CNGA3: variants seen among roughly 807,000 people sequenced by gnomAD.
CNGA3 encodes cyclic nucleotide gated channel subunit alpha 3, also known as cyclic nucleotide-gated channel alpha-3.
CNGA3 carries 42 observed loss-of-function variants against 46.6 expected under a neutral mutation model. The observed-to-expected ratio is 0.90, with a 90% confidence interval of 0.70 to 1.17. CNGA3 has a LOEUF of 1.17. CNGA3 is among the 50% of genes most tolerant of loss of function. The probability of loss-of-function intolerance (pLI) is 0.00; values close to 1 mark genes in which losing one functional copy is unlikely to be tolerated. For missense variants in CNGA3, 893 were observed against 890.7 expected (o/e 1.00, Z -0.03); for synonymous variants, 394 against 369.4 (o/e 1.07, Z -0.76).
intron 1 of CNGA3, among the ~76,000 whole-genome samples, chr2:98,362,033 A>G (rs1352247044): frequency 1.3e-5 from 2 of 151,524 alleles, no homozygotes; most frequent in Admixed American, 1.3e-4. Flanking sequence ...AATCACCATT[A>G]TGACTGGCAT....
Position 98,389,612 on chromosome 2 carries a change from C to G in CNGA3, c.450-46C>G, listed in dbSNP as rs1040603161. 2.6e-6 allele frequency: 4 copies of G among 1,538,146 alleles called. No homozygotes were observed. In the South Asian group the frequency reaches 4.5e-5, roughly 17 times the overall value. Reference sequence around the variant, plus strand: ...GGCTCTCTAAAACCCTCCAAAGCTACAGTCTTGGAGCACAGTGCGCTGTTT... The same window carrying G: ...GGCTCTCTAAAACCCTCCAAAGCTAGAGTCTTGGAGCACAGTGCGCTGTTT... On this transcript the variant is annotated intron_variant, in intron 5 of 7. Transcript: ENST00000272602.
At chr2:98,352,785 C>T (rs957871301) in intron 1 of CNGA3, among the ~76,000 whole-genome samples, 2 of 152,168 alleles carry the variant, frequency 1.3e-5, no homozygotes, top group African/African-American at 4.8e-5. Flanking sequence ...GTTTCCTGCC[C>T]TCTATTGGCC....
chr2:98,352,452 C>T (rs1377158755), intron 1 of CNGA3, among the ~76,000 whole-genome samples: 1 of 152,180 alleles, frequency 6.6e-6, no homozygotes, highest in Non-Finnish European at 1.5e-5. Flanking sequence ...TTTTGAGGAA[C>T]TGCCCAGCTG....
chr2:98,385,557 T>C (rs1692635663), intron 5 of CNGA3, among the ~76,000 whole-genome samples: 1 of 152,156 alleles, frequency 6.6e-6, no homozygotes, highest in Non-Finnish European at 1.5e-5. Flanking sequence ...GGCATATATA[T>C]TGAATACTTA....
rs1692947716 is a variant in CNGA3 at position 98,397,383 on chromosome 2, A to G, written c.*128A>G. On this transcript the variant is annotated 3_prime_UTR_variant, in exon 8 of 8. Coordinates refer to ENST00000272602, the MANE Select transcript of CNGA3 (RefSeq NM_001298.3). ...CTACTCACCCTTTGAAAGCTGTGTG[A>G]CTGCCTGAGAGAACCTGTTTCTTCA... 1 of 961,772 alleles carries G rather than the reference A, an allele frequency of 1.0e-6. No individual in the cohort carries two copies. Among genetic ancestry groups the G allele is most frequent in the African/African-American group, 1.6e-5 (1 of 61,684 alleles). The allele number at this position is 961,772 out of a possible 1,614,324, so 59.6% of individuals were successfully genotyped here. A position where few individuals can be genotyped will look rare whatever the true frequency, so the allele number is the denominator to read the frequency against.
chr2:98,359,355 G>A (rs1293546170), intron 1 of CNGA3, among the ~76,000 whole-genome samples: 2 of 152,234 alleles, frequency 1.3e-5, no homozygotes, highest in Admixed American at 1.3e-4. Flanking sequence ...CCTAGAATCT[G>A]CAGTGTCACT....
chr2:98,396,614 A>G lies in CNGA3; in HGVS notation c.1444A>G (p.Ile482Val), dbSNP rs750539864. The change falls in exon 8 of 8, where the codon ATC (isoleucine) becomes GTC (valine). Residue 482 changes from isoleucine to valine, a missense_variant. Coordinates refer to ENST00000272602, the MANE Select transcript of CNGA3 (RefSeq NM_001298.3). ...VHLDTLKKVR[I>V]FQDCEAGLLV... Reference sequence around the variant, plus strand: ...CCTGGACACGCTGAAGAAGGTTCGCATCTTCCAGGACTGTGAGGCAGGGCT... The same window carrying G: ...CCTGGACACGCTGAAGAAGGTTCGCGTCTTCCAGGACTGTGAGGCAGGGCT... 9 of 1,613,970 alleles carry G rather than the reference A, an allele frequency of 5.6e-6. No homozygotes were observed. The highest frequency in any genetic ancestry group is 2.7e-5 in the African/African-American group (2 of 74,920).
At chr2:98,369,054 C>G (rs995157813) in intron 1 of CNGA3, among the ~76,000 whole-genome samples, 17 of 152,196 alleles carry the variant, frequency 1.1e-4, no homozygotes, top group Non-Finnish European at 1.9e-4. Context: ...AATTCCAGCC[C>G]CTCTCATTCT....
intron 3 of CNGA3, chr2:98,379,888 A>T (rs937804900): frequency 2.7e-5 from 14 of 512,568 alleles, no homozygotes; most frequent in African/African-American, 2.7e-4. Flanking sequence ...GGCAGAGTCC[A>T]AGTGCTGCAA....
chr2:98,387,338 T>C (rs1283757166), intron 5 of CNGA3, among the ~76,000 whole-genome samples: 4 of 152,210 alleles, frequency 2.6e-5, no homozygotes, highest in African/African-American at 9.7e-5. Context: ...TGGATCTTTT[T>C]CAATGAGTGT....
chr2:98,383,431 A>G lies in CNGA3; in HGVS notation c.439A>G (p.Thr147Ala). Residue 147 changes from threonine (T) to alanine (A), a missense_variant, in exon 5 of 8, where the codon ACG (threonine) becomes GCG (alanine). Coordinates refer to ENST00000272602, the MANE Select transcript of CNGA3 (RefSeq NM_001298.3). ...ATGCAACACTAACACCAGCAACAACACGGAGGAGGAGTAAGTACCCACACA... is the reference window on the plus strand; with the variant it reads ...ATGCAACACTAACACCAGCAACAACGCGGAGGAGGAGTAAGTACCCACACA... ...AKCNTNTSNN[T>A]EEEKKTKKKD... 6.2e-7 allele frequency: 1 copy of G among 1,614,120 alleles called. No individual in the cohort carries two copies. The highest frequency in any genetic ancestry group is 8.5e-7 in the Non-Finnish European group (1 of 1,180,026).
In CNGA3 at chr2:98,389,773, A is replaced by G; in HGVS notation, c.565A>G (p.Arg189Gly). ...CTATAACTGGTATCTGCTTATTTGC[A>G]GGTAAGCGACAGGGGTGGAAGGTGC... ...VFYNWYLLIC[R>G]ACFDELQSEY... Residue 189 changes from arginine (R) to glycine (G), a missense_variant and splice_region_variant, in exon 6 of 8, where the codon AGG (arginine) becomes GGG (glycine). Arg to Gly is a moderately radical substitution (Grantham distance 125). Coordinates refer to ENST00000272602, the MANE Select transcript of CNGA3 (RefSeq NM_001298.3). 6.2e-7 allele frequency: 1 copy of G among 1,610,846 alleles called. No individual in the cohort carries two copies. Among genetic ancestry groups the G allele is most frequent in the Non-Finnish European group, 8.5e-7 (1 of 1,178,206 alleles).
chr2:98,354,927 C>T (rs766817108), intron 1 of CNGA3, among the ~76,000 whole-genome samples: 6 of 152,144 alleles, frequency 3.9e-5, no homozygotes, highest in Non-Finnish European at 5.9e-5. Context: ...CACCATTCAC[C>T]GTGCTGTTAA....
intron 4 of CNGA3, among the ~76,000 whole-genome samples, chr2:98,381,092 T>C (rs1692527077): frequency 6.6e-6 from 1 of 152,160 alleles, no homozygotes; most frequent in Non-Finnish European, 1.5e-5. Flanking sequence ...CCTGACTTGT[T>C]CATGAGAAGT....
At chr2:98,360,841 A>G (rs1343691749) in intron 1 of CNGA3, among the ~76,000 whole-genome samples, 2 of 152,146 alleles carry the variant, frequency 1.3e-5, no homozygotes, top group African/African-American at 4.8e-5. Flanking sequence ...TCATCTATGC[A>G]ATGAAGACAC....
chr2:98,397,710 A>G lies in CNGA3; in HGVS notation c.*455A>G, dbSNP rs1692954565. ...AGCTGAAGGTACAACATAGTGACTA[A>G]AATTCAGACTTACACAAGACAGTTT... is the stretch of plus-strand genomic sequence containing the variant. On this transcript the variant is annotated 3_prime_UTR_variant, in exon 8 of 8. Transcript: ENST00000272602. The G allele has an allele frequency of 4.7e-6, 1 of 212,160 alleles. No homozygotes were observed. The highest frequency in any genetic ancestry group is 5.3e-5 in the Admixed American group (1 of 19,018). 13.1% of individuals were successfully genotyped at this position (212,160 alleles called of 1,614,324 possible).
intron 1 of CNGA3, among the ~76,000 whole-genome samples, chr2:98,369,435 TG>T (rs142581893): frequency 0.01 from 1,531 of 152,324 alleles, 26 homozygotes; most frequent in African/African-American, 0.035. Flanking sequence ...AGATGAATCG[TG>T]TATTGGGTTT....
At chr2:98,379,135 C>A (rs138261970) in intron 3 of CNGA3, among the ~76,000 whole-genome samples, 1 of 152,326 alleles carries the variant, frequency 6.6e-6, no homozygotes, top group African/African-American at 2.4e-5. Flanking sequence ...GAATTGTCTG[C>A]GGCAGAGAGA....
chr2:98,374,831 G>T (rs553837347), intron 2 of CNGA3, among the ~76,000 whole-genome samples: 1 of 152,176 alleles, frequency 6.6e-6, no homozygotes. Flanking sequence ...GAAAAAATGG[G>T]CCCCCCCATC....
Sources: gnomAD v4.1 joint callset for allele counts (sites outside exome capture counted in the v4.1 genomes callset) on GRCh38, gnomAD v4.1.1 for gene constraint, MANE v1.5 for transcripts, NCBI Gene and HGNC (gene_info 2026-07-23, HGNC 2026-07-21) for gene names.